Variants in AGBL4 observed in about 807,000 individuals in gnomAD.
The protein encoded by AGBL4 is cytosolic carboxypeptidase 6.
A neutral mutation model predicts 66.4 loss-of-function variants in AGBL4; 58 were observed. The observed-to-expected ratio is 0.87, with a 90% CI of 0.71 to 1.09. The LOEUF is 1.09. Ranked by LOEUF, AGBL4 falls within the 50% of genes least tolerant of loss-of-function variation. AGBL4 has a pLI of 0.00. For missense variants in AGBL4, 579 were observed against 631.0 expected (o/e 0.92, Z 0.88); for synonymous variants, 234 against 222.9 (o/e 1.05, Z -0.44).
chr1:49,817,967 T>C (rs1369170993), intron 2 of AGBL4, among the ~76,000 whole-genome samples: 1 of 152,202 alleles, frequency 6.6e-6, no homozygotes, highest in East Asian at 1.9e-4. Flanking sequence ...TTCATTAATC[T>C]GTGCCTGGGG....
intron 1 of AGBL4, among the ~76,000 whole-genome samples, chr1:49,855,624 A>G (rs1280649708): frequency 6.6e-6 from 1 of 152,196 alleles, no homozygotes; most frequent in Non-Finnish European, 1.5e-5. Flanking sequence ...AAAAATAGAC[A>G]GCAATTAAAC....
intron 5 of AGBL4, among the ~76,000 whole-genome samples, chr1:48,957,999 T>C (rs1321434875): frequency 6.6e-6 from 1 of 152,008 alleles, no homozygotes; most frequent in Admixed American, 6.6e-5. Context: ...TTGTTTTTTT[T>C]TTGTTTGTTT....
intron 3 of AGBL4, among the ~76,000 whole-genome samples, chr1:49,594,375 A>G (rs1644811111): frequency 1.3e-5 from 2 of 152,156 alleles, no homozygotes; most frequent in African/African-American, 4.8e-5. Context: ...CTTTAAGTTC[A>G]GGGATACAAG....
At chr1:48,873,422 G>A (rs1181082478) in intron 5 of AGBL4, among the ~76,000 whole-genome samples, 1 of 152,116 alleles carries the variant, frequency 6.6e-6, no homozygotes, top group East Asian at 1.9e-4. Flanking sequence ...AACTTGCCAA[G>A]GCTGTGCTAG....
chr1:48,537,483 A>G (rs1239271776), intron 12 of AGBL4, among the ~76,000 whole-genome samples: 2 of 152,036 alleles, frequency 1.3e-5, no homozygotes, highest in Non-Finnish European at 2.9e-5. Flanking sequence ...TCCCATCTCC[A>G]CGAACTCTTC....
intron 4 of AGBL4, among the ~76,000 whole-genome samples, chr1:49,165,498 T>C (rs1646617628): frequency 6.6e-6 from 1 of 152,122 alleles, no homozygotes; most frequent in South Asian, 2.1e-4. Flanking sequence ...GAAGCTGTTG[T>C]CGGGGATATT....
chr1:48,705,286 T>C lies in AGBL4; in HGVS notation c.635-42045A>G, dbSNP rs544475733. Among the ~76,000 whole-genome samples the C allele has an allele frequency of 5.9e-5, 9 of 152,268 alleles. No homozygotes were observed. In the South Asian group the frequency reaches 1.7e-3, roughly 28 times the overall value. ...TGTATAAAAAAGAGAAAGTATACAA[T>C]TGGGTGACAAAGTCAAACAGCAGAT... On this transcript the variant is annotated intron_variant, in intron 6 of 13. Transcript: ENST00000371839.
chr1:50,014,367 GAA>G (rs947807796), intron 1 of AGBL4, among the ~76,000 whole-genome samples: 3 of 138,720 alleles, frequency 2.2e-5, no homozygotes, highest in Admixed American at 7.3e-5. Context: ...ACTTTGTCTC[GAA>G]AAAAAAAAAA....
intron 3 of AGBL4, among the ~76,000 whole-genome samples, chr1:49,315,207 C>G (rs1022560416): frequency 2.0e-5 from 3 of 152,172 alleles, no homozygotes; most frequent in Non-Finnish European, 2.9e-5. Flanking sequence ...AAAACTGAAA[C>G]TGGACCCCTT....
Position 49,947,358 on chromosome 1 carries a change from G to T in AGBL4, c.34+76405C>A, listed in dbSNP as rs994188375. Among the ~76,000 whole-genome samples, 3 of 151,954 alleles carry T rather than the reference G, an allele frequency of 2.0e-5. No homozygotes were observed. The East Asian group carries it at 5.8e-4, about 29-fold the overall frequency. ...AAGTTAATCCACCATGATCAAGTGGGTTTCACACCAGGGATGCAGGGATGG... is the reference window on the plus strand; with the variant it reads ...AAGTTAATCCACCATGATCAAGTGGTTTTCACACCAGGGATGCAGGGATGG... On this transcript the variant is annotated intron_variant, in intron 1 of 13. Transcript: ENST00000371839.
At chr1:48,551,896 T>C (rs1286661640) in intron 11 of AGBL4, among the ~76,000 whole-genome samples, 4 of 152,038 alleles carry the variant, frequency 2.6e-5, no homozygotes, top group Admixed American at 2.6e-4. Flanking sequence ...TGGGGTCTTT[T>C]GAAGAGAAGC....
intron 3 of AGBL4, among the ~76,000 whole-genome samples, chr1:49,370,194 G>A (rs1644314871): frequency 6.7e-6 from 1 of 148,566 alleles, no homozygotes; most frequent in Non-Finnish European, 1.5e-5. Flanking sequence ...AATAAACTGT[G>A]TGGATAAAAT....
chr1:49,443,896 C>T (rs1177132717), intron 3 of AGBL4, among the ~76,000 whole-genome samples: 1 of 151,800 alleles, frequency 6.6e-6, no homozygotes, highest in African/African-American at 2.4e-5. Context: ...TATATAGGCA[C>T]TTAATTACTA....
chr1:49,330,412 G>A (rs1645309295), intron 3 of AGBL4, among the ~76,000 whole-genome samples: 1 of 152,128 alleles, frequency 6.6e-6, no homozygotes, highest in Non-Finnish European at 1.5e-5. Context: ...GAGCGAGACT[G>A]TGTCTCAAAA....
intron 4 of AGBL4, among the ~76,000 whole-genome samples, chr1:49,215,875 T>C (rs1484877939): frequency 2.0e-5 from 3 of 152,122 alleles, no homozygotes; most frequent in African/African-American, 7.2e-5. Flanking sequence ...GATTACTCCA[T>C]TGATAGTGAC....
chr1:48,696,022 C>T (rs1460911641), intron 6 of AGBL4, among the ~76,000 whole-genome samples: 1 of 152,156 alleles, frequency 6.6e-6, no homozygotes, highest in Non-Finnish European at 1.5e-5. Context: ...AGCAGAAGCC[C>T]GCCTTCTAAT....
chr1:48,973,230 T>C (rs1659054464), intron 5 of AGBL4, among the ~76,000 whole-genome samples: 1 of 152,190 alleles, frequency 6.6e-6, no homozygotes, highest in African/African-American at 2.4e-5. Flanking sequence ...AATTTTAAAA[T>C]GCCAAGCCAT....
intron 5 of AGBL4, among the ~76,000 whole-genome samples, chr1:48,938,229 A>T (rs531815570): frequency 1.3e-5 from 2 of 152,330 alleles, no homozygotes; most frequent in South Asian, 4.1e-4. Context: ...ATTCTGGCAC[A>T]TAACTCAATC....
chr1:49,008,576 T>G (rs1425244412), intron 5 of AGBL4, among the ~76,000 whole-genome samples: 1 of 146,784 alleles, frequency 6.8e-6, no homozygotes, highest in African/African-American at 2.6e-5. Flanking sequence ...GAATATACAT[T>G]TTTTTCAGCA....
Sources: allele counts gnomAD v4.1 joint callset (sites outside exome capture counted in the v4.1 genomes callset), GRCh38; gene constraint gnomAD v4.1.1; transcripts MANE v1.5; gene names NCBI Gene and HGNC (gene_info 2026-07-23, HGNC 2026-07-21).